SRRM1: variants seen among roughly 807,000 people sequenced by gnomAD.
The protein encoded by SRRM1 is serine and arginine repetitive matrix 1, also known as serine/arginine repetitive matrix protein 1.
Under a neutral mutation model 110.2 loss-of-function variants are expected in SRRM1, and 19 were observed. The observed-to-expected ratio is 0.17, with a 90% CI of 0.12 to 0.25. The LOEUF (loss-of-function observed/expected upper bound fraction) is 0.25. Ranked by LOEUF, SRRM1 falls within the 10% of genes least tolerant of loss-of-function variation. SRRM1 has a pLI of 1.00. For missense variants in SRRM1, 918 were observed against 1,145.8 expected, an observed-to-expected ratio of 0.80 and a Z score of 2.87; for synonymous variants, 443 against 414.9, an observed-to-expected ratio of 1.07 and a Z score of -0.82.
intron 11 of SRRM1, among the ~76,000 whole-genome samples, chr1:24,661,879 A>G (rs1199790798): frequency 6.6e-6 from 1 of 152,020 alleles, no homozygotes; most frequent in Non-Finnish European, 1.5e-5. Context: ...CGAGATCAGG[A>G]GTTCAAGACC....
chr1:24,656,081 AAG>A (rs556921951), intron 9 of SRRM1, among the ~76,000 whole-genome samples: 21 of 152,274 alleles, frequency 1.4e-4, no homozygotes, highest in African/African-American at 3.6e-4. Flanking sequence ...CTCTTAAAAA[AAG>A]AGAGAGAAAA....
At chr1:24,661,462 A>G in intron 11 of SRRM1, 66 bp downstream of exon 11, 2 of 1,160,306 alleles carry the variant, frequency 1.7e-6, no homozygotes, top group Non-Finnish European at 2.5e-6. Context: ...TGGTATATAA[A>G]CATCTGTGTG....
Position 24,666,884 on chromosome 1 carries a change from T to A in SRRM1, c.1698T>A (p.Pro566=), listed in dbSNP as rs1202981056. The part of the protein sequence containing the change: ...RRRRSPSPAP[P]PRRRRTPTPP... ...GACGGTCTCCTTCTCCCGCCCCTCC[T>A]CCTCGACGGCGCAGGACTCCCACAC... The change falls in exon 13 of 17, where the codon CCT becomes CCA. Residue 566 remains proline, a synonymous_variant. Coordinates refer to ENST00000323848, the MANE Select transcript of SRRM1 (RefSeq NM_005839.4). 1.2e-6 allele frequency: 2 copies of A among 1,611,486 alleles called. No individual in the cohort carries two copies. The highest frequency in any genetic ancestry group is 2.7e-5 in the African/African-American group (2 of 74,568).
chr1:24,662,785 C>G lies in SRRM1; in HGVS notation c.1609C>G (p.Gln537Glu). The G allele has an allele frequency of 6.2e-7, 1 of 1,613,990 alleles. No individual in the cohort carries two copies. ...TGCTTCTCCATCACCACGAAAGCGC[C>G]AAAAAGAGACTTCCCCTCGGTAACA... ...RSASPSPRKRQKETSPRGRRR... is the reference protein window; with the variant it reads ...RSASPSPRKREKETSPRGRRR... The change falls in exon 12 of 17, where the codon CAA becomes GAA. Residue 537 changes from glutamine to glutamate, a missense_variant. Physicochemically the swap from Gln to Glu is conservative, Grantham distance 29 (BLOSUM62 2). Coordinates refer to ENST00000323848, the MANE Select transcript of SRRM1 (RefSeq NM_005839.4).
At position 24,669,239 on chromosome 1, in the gene SRRM1, C is replaced by T. The variant is rs565420842; in HGVS notation, c.1856C>T (p.Pro619Leu). 1.5e-5 allele frequency: 24 copies of T among 1,614,006 alleles called. No homozygotes were observed. The highest frequency in any genetic ancestry group is 1.9e-5 in the Non-Finnish European group (22 of 1,180,030). The change falls in exon 14 of 17, where the codon CCC (proline) becomes CTC (leucine). Residue 619 changes from proline to leucine, a missense_variant. Physicochemically the swap from Pro to Leu is moderately conservative, Grantham distance 98 (BLOSUM62 -3). Around this residue, in one of 5 missense-constraint regions of SRRM1, gnomAD observed 357 missense variants for 402.9 expected, o/e 0.89. Coordinates refer to ENST00000323848, the MANE Select transcript of SRRM1 (RefSeq NM_005839.4). ...AAGAGAAGAACGGCTTCACCTCCTC[C>T]CCCTCCTAAACGAAGAGCATCACCA... ...PPKRRTASPP[P>L]PPKRRASPSP... is the part of the protein sequence containing the mutation.
At chr1:24,663,976 T>C (rs1440061402) in intron 12 of SRRM1, among the ~76,000 whole-genome samples, 1 of 148,680 alleles carries the variant, frequency 6.7e-6, no homozygotes, top group Non-Finnish European at 1.5e-5. Flanking sequence ...AAAGGTGGGT[T>C]GCATAGCTCT....
In SRRM1 at chr1:24,652,446, A is replaced by G. The variant is rs1570771685; in HGVS notation, c.738A>G (p.Lys246=). 1 of 1,556,730 alleles carries G rather than the reference A, an allele frequency of 6.4e-7. No homozygotes were observed. Among genetic ancestry groups the G allele is most frequent in the Non-Finnish European group, 8.6e-7 (1 of 1,158,138 alleles). The change falls in exon 7 of 17, where the codon AAA becomes AAG. Residue 246 remains lysine (K), a synonymous_variant. Transcript: ENST00000323848. ...TTTGTTTCCACAGTGACATTCTGAAAGTTCCCAAACCTGAACCTATACCAG... is the reference window on the plus strand; with the variant it reads ...TTTGTTTCCACAGTGACATTCTGAAGGTTCCCAAACCTGAACCTATACCAG... ...QEATSTSDIL[K]VPKPEPIPEP...
At chr1:24,658,627 G>A (rs766740886) in intron 9 of SRRM1, among the ~76,000 whole-genome samples, 3 of 152,136 alleles carry the variant, frequency 2.0e-5, no homozygotes, top group Non-Finnish European at 4.4e-5. Flanking sequence ...CTAAGGTGTG[G>A]TAACTTGGAC....
chr1:24,658,500 A>G (rs1172500396), intron 9 of SRRM1, among the ~76,000 whole-genome samples: 3 of 152,242 alleles, frequency 2.0e-5, no homozygotes, highest in Non-Finnish European at 4.4e-5. Context: ...CACTTGTATT[A>G]TATAATGAGT....
chr1:24,670,408 G>GGGGCAAAAAATAAAAA, intron 15 of SRRM1, 93 bp downstream of exon 15: 1 of 1,322,084 alleles, frequency 7.6e-7, no homozygotes, highest in Non-Finnish European at 1.0e-6. Flanking sequence ...TAAAATATTG[G>GGGGCAAAAAATAAAAA]TGTTTAAACT....
At position 24,643,365 on chromosome 1, in the gene SRRM1, G is replaced by T; in HGVS notation, c.21+18G>T. 1.3e-6 allele frequency: 2 copies of T among 1,547,992 alleles called. No homozygotes were observed. Among genetic ancestry groups the T allele is most frequent in the South Asian group, 2.4e-5 (2 of 83,890 alleles). On this transcript the variant is annotated intron_variant, in intron 1 of 16. Transcript: ENST00000323848. Reference sequence around the variant, plus strand: ...TTTTCCGCGTAAGTAGAAGCGCCGGGCGCCGGGGTGAGGCCAGGGACTTCT... The same window carrying T: ...TTTTCCGCGTAAGTAGAAGCGCCGGTCGCCGGGGTGAGGCCAGGGACTTCT...
chr1:24,657,637 G>GT (rs1278240346), intron 9 of SRRM1, among the ~76,000 whole-genome samples: 1 of 152,154 alleles, frequency 6.6e-6, no homozygotes, highest in African/African-American at 2.4e-5. Flanking sequence ...CAGGAAAAGT[G>GT]TTTTGGGGAA....
Position 24,660,814 on chromosome 1 carries a change from T to G in SRRM1, c.1396+15T>G, listed in dbSNP as rs1199963948. 1.3e-6 allele frequency: 2 copies of G among 1,558,540 alleles called. No homozygotes were observed. Among genetic ancestry groups the G allele is most frequent in the South Asian group, 1.2e-5 (1 of 83,286 alleles). ...ATCTGAATCGGGTAAGTTTGTTGTTTTTTTTTGTGATTTTGGTTTGTTTGT... is the reference window on the plus strand; with the variant it reads ...ATCTGAATCGGGTAAGTTTGTTGTTGTTTTTTGTGATTTTGGTTTGTTTGT... On this transcript the variant is annotated intron_variant, in intron 10 of 16. Coordinates refer to ENST00000323848, the MANE Select transcript of SRRM1 (RefSeq NM_005839.4).
At chr1:24,654,016 A>C (rs1011390614) in intron 8 of SRRM1, among the ~76,000 whole-genome samples, 1 of 152,120 alleles carries the variant, frequency 6.6e-6, no homozygotes, top group Non-Finnish European at 1.5e-5. Context: ...AACTATTACT[A>C]CTGTTGCAAA....
At chr1:24,651,343 T>TCCCTTTGACTCCTCTCTTCC in intron 5 of SRRM1, 66 bp from the exon 6 acceptor site, 2 of 1,289,762 alleles carry the variant, frequency 1.6e-6, no homozygotes, top group Non-Finnish European at 2.2e-6. Context: ...TCCTCACTTC[T>TCCCTTTGACTCCTCTCTTCC]CCCTTTGACT....
chr1:24,669,119 C>G lies in SRRM1; in HGVS notation c.1740-4C>G, dbSNP rs749797669. The G allele has an allele frequency of 5.6e-6, 9 of 1,601,118 alleles. No individual in the cohort carries two copies. The highest frequency in any genetic ancestry group is 2.7e-5 in the African/African-American group (2 of 74,206). On this transcript the variant is annotated splice_polypyrimidine_tract_variant and splice_region_variant and intron_variant, in intron 13 of 16. Coordinates refer to ENST00000323848, the MANE Select transcript of SRRM1 (RefSeq NM_005839.4). ...TTCAGCTTAATTATGTATCTTTTTC[C>G]TAGGACTCCTTCTCCTCCCCCACGT... is the stretch of plus-strand genomic sequence containing the variant.
At chr1:24,645,922 G>A in intron 1 of SRRM1, 62 bp from the exon 2 acceptor site, 1 of 1,402,412 alleles carries the variant, frequency 7.1e-7, no homozygotes, top group East Asian at 2.3e-5. Context: ...AAAGGTCGTA[G>A]GTGATAAAAA....
At chr1:24,648,651 TGAGA>T (rs759400399) in intron 3 of SRRM1, 26 of 465,068 alleles carry the variant, frequency 5.6e-5, no homozygotes, top group Middle Eastern at 5.5e-4. Flanking sequence ...TTTGGTAGAG[TGAGA>T]GAGAATTTGG....
intron 1 of SRRM1, 91 bp downstream of exon 1, chr1:24,643,438 A>AGG (rs1654891353): frequency 4.0e-6 from 4 of 996,732 alleles, no homozygotes; most frequent in Non-Finnish European, 5.4e-6. Flanking sequence ...GTGGCCAGCG[A>AGG]GGGGAGCTTC....
Sources: allele counts gnomAD v4.1 joint callset (sites outside exome capture counted in the v4.1 genomes callset), GRCh38; gene constraint gnomAD v4.1.1; regional missense constraint gnomAD v4.1.1; transcripts MANE v1.5; gene names NCBI Gene and HGNC (gene_info 2026-07-23, HGNC 2026-07-21).